The following YTHDC2 variants were observed in gnomAD, a reference collection of about 807,000 sequenced individuals.
YTHDC2 encodes YTH N6-methyladenosine RNA binding protein C2, also known as 3'-5' RNA helicase YTHDC2.
YTHDC2 carries 45 observed loss-of-function variants against 174.9 expected under a neutral mutation model. That is an observed-to-expected ratio of 0.26 (90% CI 0.20 to 0.33). The LOEUF (loss-of-function observed/expected upper bound fraction) is 0.33, where lower values mean the gene tolerates loss of function less well. Among genes scored for constraint, YTHDC2 ranks in the 10% least tolerant of loss-of-function variants. YTHDC2 has a pLI of 1.00. For missense variants in YTHDC2, 1,650 were observed against 1,723.7 expected, an observed-to-expected ratio of 0.96 and a Z score of 0.76; for synonymous variants, 657 against 574.5, an observed-to-expected ratio of 1.14 and a Z score of -2.05.
chr5:113,584,550 T>C (rs1333582688), intron 26 of YTHDC2, 71 bp downstream of exon 26: 1 of 1,285,562 alleles, frequency 7.8e-7, no homozygotes, highest in Non-Finnish European at 1.1e-6. Context: ...TAAATAAAAT[T>C]GTAAAACAAT....
chr5:113,533,328 C>T (rs998821597), intron 5 of YTHDC2, among the ~76,000 whole-genome samples: 42 of 151,136 alleles, frequency 2.8e-4, no homozygotes, highest in South Asian at 8.4e-4. Flanking sequence ...GGATCACCTG[C>T]GGTCAGGAGT....
chr5:113,564,355 T>G (rs1008753106), intron 20 of YTHDC2, among the ~76,000 whole-genome samples: 1 of 152,168 alleles, frequency 6.6e-6, no homozygotes, highest in Admixed American at 6.5e-5. Flanking sequence ...GGAATATATG[T>G]GTGTATTTGT....
At chr5:113,521,568 T>A (rs1365571007) in intron 2 of YTHDC2, among the ~76,000 whole-genome samples, 1 of 151,588 alleles carries the variant, frequency 6.6e-6, no homozygotes, top group Non-Finnish European at 1.5e-5. Context: ...CCATCTCTCC[T>A]AAAAATACAA....
intron 23 of YTHDC2, 109 bp from the exon 24 acceptor site, chr5:113,579,474 ATTG>A (rs1203440384): frequency 6.4e-6 from 4 of 628,158 alleles, no homozygotes; most frequent in African/African-American, 1.9e-5. Flanking sequence ...TCCCACACAA[ATTG>A]TTGTATGTCA....
intron 20 of YTHDC2, among the ~76,000 whole-genome samples, chr5:113,565,372 A>G (rs1227087490): frequency 6.6e-6 from 1 of 152,164 alleles, no homozygotes; most frequent in Non-Finnish European, 1.5e-5. Flanking sequence ...AAAAGCAGAG[A>G]GGATAAATTA....
intron 12 of YTHDC2, among the ~76,000 whole-genome samples, chr5:113,551,476 GTCT>G (rs1776247550): frequency 6.6e-6 from 1 of 152,068 alleles, no homozygotes; most frequent in East Asian, 1.9e-4. Context: ...AGAATATAAT[GTCT>G]TCTTCATTTA....
At chr5:113,576,921 A>G (rs1193224760) in intron 23 of YTHDC2, among the ~76,000 whole-genome samples, 1 of 152,062 alleles carries the variant, frequency 6.6e-6, no homozygotes, top group Non-Finnish European at 1.5e-5. Flanking sequence ...AGCTGAGAAA[A>G]TTTCATCCCT....
At chr5:113,558,622 A>T (rs530971652) in intron 17 of YTHDC2, among the ~76,000 whole-genome samples, 1 of 152,194 alleles carries the variant, frequency 6.6e-6, no homozygotes, top group Non-Finnish European at 1.5e-5. Flanking sequence ...TTCACTGGAG[A>T]GAATAATTAA....
In YTHDC2 at chr5:113,594,693, C is replaced by G. The variant is rs1779172431; in HGVS notation, c.*1219C>G. On this transcript the variant is annotated 3_prime_UTR_variant, in exon 30 of 30. Transcript: ENST00000161863. ...TGAAAGAAATGTCTTGGTTACTGAGCTCTAAATAGACAGGTTTGATGGCAC... is the reference window on the plus strand; with the variant it reads ...TGAAAGAAATGTCTTGGTTACTGAGGTCTAAATAGACAGGTTTGATGGCAC... The G allele has an allele frequency of 6.6e-6, 1 of 152,092 alleles. No homozygotes were observed. Among genetic ancestry groups the G allele is most frequent in the Non-Finnish European group, 1.5e-5 (1 of 68,014 alleles). 9.4% of individuals were successfully genotyped at this position (152,092 alleles called of 1,614,324 possible).
rs1777450067 is a variant in YTHDC2 at position 113,567,834 on chromosome 5, C to A, written c.3229C>A (p.Pro1077Thr). 1.9e-6 allele frequency: 3 copies of A among 1,551,062 alleles called. No individual in the cohort carries two copies. Among genetic ancestry groups the A allele is most frequent in the African/African-American group, 1.4e-5 (1 of 72,746 alleles). Residue 1077 changes from proline to threonine, a missense_variant, in exon 23 of 30, where the codon CCT becomes ACT. Pro to Thr is a conservative substitution (Grantham distance 38). This residue lies in a region of YTHDC2 where 913 missense variants were observed against 940.4 expected (regional missense o/e 0.97). Coordinates refer to ENST00000161863, the MANE Select transcript of YTHDC2 (RefSeq NM_022828.5). ...ATTGGCAAGTAATGCTCTTCAGGAACCTTCATCCTTTAGAGGTAAATGTAT... is the reference window on the plus strand; with the variant it reads ...ATTGGCAAGTAATGCTCTTCAGGAAACTTCATCCTTTAGAGGTAAATGTAT... Reference protein sequence around the residue: ...ARLASNALQEPSSFRVDGIPN... With the variant: ...ARLASNALQETSSFRVDGIPN...
At chr5:113,531,650 C>G (rs925241922) in intron 4 of YTHDC2, among the ~76,000 whole-genome samples, 1 of 151,914 alleles carries the variant, frequency 6.6e-6, no homozygotes, top group East Asian at 1.9e-4. Flanking sequence ...TTTACAATTT[C>G]TCTCATCATC....
intron 23 of YTHDC2, among the ~76,000 whole-genome samples, chr5:113,577,124 T>G (rs76246309): frequency 1.2e-3 from 179 of 152,306 alleles, no homozygotes; most frequent in African/African-American, 3.7e-3. Context: ...ATGGTAAATT[T>G]GGTATCTTTA....
rs756244526 is a variant in YTHDC2 at position 113,584,416 on chromosome 5, A to G, written c.3762A>G (p.Lys1254=). 14 of 1,613,726 alleles carry G rather than the reference A, an allele frequency of 8.7e-6. No homozygotes were observed. The East Asian group carries it at 3.1e-4, about 36-fold the overall frequency. Residue 1254 remains lysine, a synonymous_variant, in exon 26 of 30, where the codon AAA becomes AAG. Coordinates refer to ENST00000161863, the MANE Select transcript of YTHDC2 (RefSeq NM_022828.5). ...ACCGATCAGATCAGTCTTCTCTGAA[A>G]TCTACAGACAGCAGTAGTTACCCAA... The part of the protein sequence containing the change: ...TEDRSDQSSL[K]STDSSSYPSP...
chr5:113,537,261 G>T (rs35274088), intron 7 of YTHDC2, among the ~76,000 whole-genome samples: 17,453 of 151,810 alleles, frequency 0.11, 1,131 homozygotes, highest in African/African-American at 0.14. Context: ...ATTTTTACCG[G>T]TGTCGTTTGA....
At chr5:113,537,596 A>T in intron 7 of YTHDC2, among the ~76,000 whole-genome samples, 1 of 139,154 alleles carries the variant, frequency 7.2e-6, no homozygotes, top group African/African-American at 2.7e-5. Flanking sequence ...CACTATTCCC[A>T]TCCTCTTGTT....
chr5:113,573,785 G>T (rs1777874084), intron 23 of YTHDC2, among the ~76,000 whole-genome samples: 1 of 152,018 alleles, frequency 6.6e-6, no homozygotes, highest in Non-Finnish European at 1.5e-5. Flanking sequence ...TGATTGCATT[G>T]TGAAGTTCTC....
chr5:113,532,930 A>G lies in YTHDC2; in HGVS notation c.727A>G (p.Ile243Val). Residue 243 changes from isoleucine to valine, a missense_variant, in exon 5 of 30, where the codon ATA becomes GTA. Transcript: ENST00000161863. ...CTTTAAAAATGGTATCCCCTGCCGT[A>G]TATTTTGTACTCAACCAAGACGATT... ...DCFKNGIPCRIFCTQPRRLAA... is the reference protein window; with the variant it reads ...DCFKNGIPCRVFCTQPRRLAA... 1.2e-6 allele frequency: 2 copies of G among 1,614,150 alleles called. No homozygotes were observed. The highest frequency in any genetic ancestry group is 1.7e-6 in the Non-Finnish European group (2 of 1,180,004).
chr5:113,526,826 AATATAT>A (rs753695226), intron 4 of YTHDC2, 41 bp downstream of exon 4: 177 of 146,160 alleles, frequency 1.2e-3, no homozygotes, highest in African/African-American at 4.9e-3. Flanking sequence ...AAAAAAAAAA[AATATAT>A]ATATATATAT....
At chr5:113,566,046 T>C in intron 21 of YTHDC2, 27 bp downstream of exon 21, 1 of 1,582,582 alleles carries the variant, frequency 6.3e-7, no homozygotes, top group Admixed American at 1.8e-5. Context: ...AAAGAGCCTA[T>C]TTAAGTTACT....
Sources: gnomAD v4.1 joint callset for allele counts (sites outside exome capture counted in the v4.1 genomes callset) on GRCh38, gnomAD v4.1.1 for gene constraint, gnomAD v4.1.1 regional missense constraint, MANE v1.5 for transcripts, NCBI Gene and HGNC (gene_info 2026-07-23, HGNC 2026-07-21) for gene names.